ATR: variants seen among roughly 807,000 people sequenced by gnomAD.
ATR encodes the protein ATR checkpoint kinase, also known as serine/threonine-protein kinase ATR.
In ATR, 142 loss-of-function variants were observed where a neutral mutation model predicts 305.3. The observed-to-expected ratio is 0.47, with a 90% CI of 0.41 to 0.53. The LOEUF is 0.53. Ranked by LOEUF, ATR falls within the 20% of genes least tolerant of loss-of-function variation. ATR has a pLI of 0.00. For synonymous variants in ATR, 1,050 were observed against 1,068.1 expected (o/e 0.98, Z 0.33); for missense variants, 2,135 against 3,133.1 (o/e 0.68, Z 7.60).
At chr3:142,458,922 A>C (rs368580370) in intron 44 of ATR, 36 bp downstream of exon 44, 36 of 1,605,500 alleles carry the variant, frequency 2.2e-5, no homozygotes, top group Non-Finnish European at 2.8e-5. Flanking sequence ...AAATTGAGAG[A>C]AAACACAATT....
chr3:142,493,347 T>G (rs774064698), intron 34 of ATR, 36 bp from the exon 35 acceptor site: 14 of 1,558,552 alleles, frequency 9.0e-6, no homozygotes, highest in Non-Finnish European at 8.7e-6. Flanking sequence ...CCTTTTAATT[T>G]AAAAACATAC....
At position 142,493,228 on chromosome 3, in the gene ATR, C is replaced by G. The variant is rs1221995194; in HGVS notation, c.5982G>C (p.Lys1994Asn). The G allele has an allele frequency of 2.5e-6, 4 of 1,613,996 alleles. No individual in the cohort carries two copies. In the Admixed American group the frequency reaches 6.7e-5, roughly 27 times the overall value. ...TAGCTCGACCATGGATTAACATGTTCTTACCCTCAGGTGGGGTTTCATTTT... is the reference window on the plus strand; with the variant it reads ...TAGCTCGACCATGGATTAACATGTTGTTACCCTCAGGTGGGGTTTCATTTT... Reference protein sequence around the residue: ...FPENETPPEGKNMLIHGRAML... With the variant: ...FPENETPPEGNNMLIHGRAML... Residue 1994 changes from lysine to asparagine, a missense_variant, in exon 35 of 47, where the codon AAG becomes AAC. By Grantham distance (94) the Lys-to-Asn change is moderately conservative. This residue lies in a region of ATR where 462 missense variants were observed against 887.6 expected (regional missense o/e 0.52). Coordinates refer to ENST00000350721, the MANE Select transcript of ATR (RefSeq NM_001184.4).
Position 142,495,319 on chromosome 3 carries a change from G to A in ATR, c.5898+1042C>T, listed in dbSNP as rs143524026. ...GTCCTTTCTCAGCCACCACAAGTTGGTGTAACCACAAATGGCACCAACAAT... is the reference window on the plus strand; with the variant it reads ...GTCCTTTCTCAGCCACCACAAGTTGATGTAACCACAAATGGCACCAACAAT... On this transcript the variant is annotated intron_variant, in intron 34 of 46. Transcript: ENST00000350721. Among the ~76,000 whole-genome samples the A allele has an allele frequency of 3.3e-3, 500 of 152,224 alleles. 1 individual carries two copies. Among genetic ancestry groups the A allele is most frequent in the African/African-American group, 0.011 (454 of 41,532 alleles).
Position 142,524,082 on chromosome 3 carries a change from C to A in ATR, c.4063G>T (p.Gly1355Trp), listed in dbSNP as rs1215446245. Residue 1355 changes from glycine (G) to tryptophan (W), a missense_variant, in exon 22 of 47, where the codon GGG becomes TGG. Coordinates refer to ENST00000350721, the MANE Select transcript of ATR (RefSeq NM_001184.4). The stretch of plus-strand genomic sequence containing the variant: ...GCCCCCAATTCCCCTAAACATTCCC[C>A]ACAGAGCAACCGAGCTTGAGAGTTT... ...DANSQARLLCGECLGELGAID... is the reference protein window; with the variant it reads ...DANSQARLLCWECLGELGAID... The A allele has an allele frequency of 6.2e-7, 1 of 1,614,102 alleles. No individual in the cohort carries two copies. Among genetic ancestry groups the A allele is most frequent in the Non-Finnish European group, 8.5e-7 (1 of 1,180,016 alleles).
At position 142,543,545 on chromosome 3, in the gene ATR, GTTCC is replaced by G. The variant is rs201254335; in HGVS notation, c.3358-792_3358-789del. 9.2e-3 allele frequency among the ~76,000 whole-genome samples: 1,209 copies of G among 130,878 alleles called. 12 individuals are homozygous for G. The highest frequency in any genetic ancestry group is 0.033 in the African/African-American group (1,146 of 34,472). 85.9% of individuals were successfully genotyped at this position (130,878 alleles called of 152,430 possible). On this transcript the variant is annotated intron_variant, in intron 16 of 46. Transcript: ENST00000350721. ...TTTCTTCCTCTTTTACTTAAACAGG[GTTCC>G]TTCCTTCCTTCCTCCCTCCCTCCCT...
At chr3:142,488,103 A>G (rs2031059093) in intron 35 of ATR, among the ~76,000 whole-genome samples, 5 of 152,148 alleles carry the variant, frequency 3.3e-5, no homozygotes, top group Admixed American at 2.6e-4. Flanking sequence ...AATAGATTAG[A>G]GGGTGAGGGG....
intron 16 of ATR, among the ~76,000 whole-genome samples, chr3:142,545,351 A>C (rs1185673862): frequency 6.7e-6 from 1 of 150,172 alleles, no homozygotes; most frequent in Non-Finnish European, 1.5e-5. Context: ...AATGAGAAAG[A>C]TCCAGGAGAT....
At chr3:142,554,750 C>T (rs1436684311) in intron 10 of ATR, among the ~76,000 whole-genome samples, 1 of 151,118 alleles carries the variant, frequency 6.6e-6, no homozygotes, top group Non-Finnish European at 1.5e-5. Flanking sequence ...AAGTGAGATC[C>T]CTCTCTACAA....
At chr3:142,509,545 ATTTTTTT>A (rs71629538) in intron 27 of ATR, among the ~76,000 whole-genome samples, 19 of 73,814 alleles carry the variant, frequency 2.6e-4, no homozygotes, top group African/African-American at 5.5e-5. Context: ...TCAAATTCTG[ATTTTTTT>A]TTTTTTTTTT....
chr3:142,565,607 A>G lies in ATR; in HGVS notation c.292+514T>C, dbSNP rs376202512. On this transcript the variant is annotated intron_variant, in intron 3 of 46. Coordinates refer to ENST00000350721, the MANE Select transcript of ATR (RefSeq NM_001184.4). ...TGTTCTAATAAAACTTTGTTTACAAAAACTGAAGCCAGGCACAGTAGCATG... is the reference window on the plus strand; with the variant it reads ...TGTTCTAATAAAACTTTGTTTACAAGAACTGAAGCCAGGCACAGTAGCATG... 6.6e-5 allele frequency among the ~76,000 whole-genome samples: 10 copies of G among 152,160 alleles called. No homozygotes were observed. The South Asian group carries it at 2.1e-3, about 32-fold the overall frequency.
intron 32 of ATR, among the ~76,000 whole-genome samples, 176 bp from the exon 33 acceptor site, chr3:142,497,368 A>C (rs1200449735): frequency 6.6e-6 from 1 of 152,140 alleles, no homozygotes; most frequent in African/African-American, 2.4e-5. Context: ...TTCAAACTGA[A>C]TGTAAACACC....
chr3:142,476,485 T>C (rs1171392778), intron 36 of ATR, among the ~76,000 whole-genome samples: 2 of 152,198 alleles, frequency 1.3e-5, no homozygotes, highest in Non-Finnish European at 1.5e-5. Context: ...CATGCTGTTT[T>C]GGTTACTGTA....
At chr3:142,496,758 C>A (rs1298578055) in intron 33 of ATR, among the ~76,000 whole-genome samples, 3 of 151,856 alleles carry the variant, frequency 2.0e-5, no homozygotes, top group Non-Finnish European at 4.4e-5. Flanking sequence ...TATTATGAAC[C>A]TTATTCTTGA....
chr3:142,539,962 T>C (rs2033990076), intron 18 of ATR, among the ~76,000 whole-genome samples: 1 of 152,200 alleles, frequency 6.6e-6, no homozygotes. Flanking sequence ...TAAAACCTAC[T>C]GTCTAATCTT....
chr3:142,527,230 G>A (rs1320950711), intron 21 of ATR, among the ~76,000 whole-genome samples: 1 of 150,780 alleles, frequency 6.6e-6, no homozygotes. Flanking sequence ...ATATATTGCC[G>A]CTTTTTTAAA....
At chr3:142,572,129 G>C (rs2035287177) in intron 1 of ATR, among the ~76,000 whole-genome samples, 1 of 151,608 alleles carries the variant, frequency 6.6e-6, no homozygotes, top group South Asian at 2.1e-4. Context: ...GAGCGCAGTG[G>C]TGTGATCTCG....
At chr3:142,568,885 G>C (rs967658324) in intron 1 of ATR, among the ~76,000 whole-genome samples, 7 of 152,204 alleles carry the variant, frequency 4.6e-5, no homozygotes, top group Admixed American at 3.9e-4. Context: ...CTGGACTTTG[G>C]GCAGGCCAAG....
chr3:142,543,992 A>G (rs1436141982), intron 16 of ATR, among the ~76,000 whole-genome samples: 1 of 152,022 alleles, frequency 6.6e-6, no homozygotes, highest in African/African-American at 2.4e-5. Context: ...TTCTTAAGAG[A>G]AGGTCCTGGA....
intron 1 of ATR, among the ~76,000 whole-genome samples, chr3:142,574,405 T>C (rs116088897): frequency 0.1 from 14,426 of 143,400 alleles, 885 homozygotes; most frequent in Middle Eastern, 0.17. Context: ...GAGGTTGCAG[T>C]GAGACATGTT....
Sources: allele counts gnomAD v4.1 joint callset (sites outside exome capture counted in the v4.1 genomes callset), GRCh38; gene constraint gnomAD v4.1.1; regional missense constraint gnomAD v4.1.1; transcripts MANE v1.5; gene names NCBI Gene and HGNC (gene_info 2026-07-23, HGNC 2026-07-21).